The following CHD6 variants were observed in gnomAD, a reference collection of about 807,000 sequenced individuals.
CHD6 encodes the protein chromodomain helicase DNA binding protein 6.
Under a neutral mutation model 276.9 loss-of-function variants are expected in CHD6, and 50 were observed. That is an observed-to-expected ratio of 0.18 (90% confidence interval 0.14 to 0.23). The LOEUF (loss-of-function observed/expected upper bound fraction) is 0.23. CHD6 is among the 10% of genes least tolerant of loss of function. The probability of loss-of-function intolerance (pLI) is 1.00; values close to 1 mark genes in which losing one functional copy is unlikely to be tolerated. For missense variants in CHD6, 2,564 were observed against 3,365.8 expected (o/e 0.76, Z 5.89); for synonymous variants, 1,173 against 1,229.3 (o/e 0.95, Z 0.96).
chr20:41,419,589 A>G, intron 31 of CHD6, among the ~76,000 whole-genome samples: 1 of 139,168 alleles, frequency 7.2e-6, no homozygotes, highest in Admixed American at 7.4e-5. Flanking sequence ...AAAAAAAAAA[A>G]AAGGCTAGAT....
chr20:41,602,165 C>A (rs2045779946), intron 1 of CHD6, among the ~76,000 whole-genome samples: 2 of 152,200 alleles, frequency 1.3e-5, no homozygotes, highest in South Asian at 4.1e-4. Context: ...ATACCCATGT[C>A]CCTACAGTCA....
At chr20:41,596,237 C>T (rs1310442871) in intron 1 of CHD6, among the ~76,000 whole-genome samples, 1 of 152,108 alleles carries the variant, frequency 6.6e-6, no homozygotes, top group African/African-American at 2.4e-5. Context: ...AAGGAGTCTG[C>T]CCCAACCCTT....
intron 17 of CHD6, among the ~76,000 whole-genome samples, chr20:41,460,643 T>C (rs948090880): frequency 3.9e-5 from 6 of 152,196 alleles, no homozygotes; most frequent in Admixed American, 2.6e-4. Context: ...AAGTCAAGAA[T>C]TGAGATTTGG....
rs552082888 is a variant in CHD6, at chr20:41,478,872, AG to A, written c.2468+4436del. Among the ~76,000 whole-genome samples, 3 of 152,340 alleles carry A rather than the reference AG, an allele frequency of 2.0e-5. No individual in the cohort carries two copies. In the South Asian group the frequency reaches 6.2e-4, roughly 32 times the overall value. On this transcript the variant is annotated intron_variant, in intron 16 of 36. Transcript: ENST00000373233. ...AAAAATTCAGTTATTCTCATTCTCAAGGGAACAGGCAATTAACAGATGTCAA... is the reference window on the plus strand; with the variant it reads ...AAAAATTCAGTTATTCTCATTCTCAAGGAACAGGCAATTAACAGATGTCAA...
chr20:41,438,538 C>T (rs2047791481), intron 26 of CHD6, among the ~76,000 whole-genome samples: 6 of 152,052 alleles, frequency 3.9e-5, no homozygotes, highest in Admixed American at 3.3e-4. Flanking sequence ...TGCAATGAGC[C>T]GAGATCATTC....
At chr20:41,597,724 C>T (rs2045732645) in intron 1 of CHD6, among the ~76,000 whole-genome samples, 1 of 149,426 alleles carries the variant, frequency 6.7e-6, no homozygotes, top group African/African-American at 2.5e-5. Context: ...TCTGTCTATC[C>T]TTTTTTTTTT....
intron 1 of CHD6, among the ~76,000 whole-genome samples, chr20:41,603,817 C>T (rs2045798335): frequency 1.3e-5 from 2 of 152,014 alleles, no homozygotes; most frequent in Admixed American, 6.6e-5. Context: ...TGCAGTGAGC[C>T]GAAATCGTGC....
At chr20:41,513,335 G>C (rs1395576965) in intron 4 of CHD6, among the ~76,000 whole-genome samples, 1 of 152,150 alleles carries the variant, frequency 6.6e-6, no homozygotes, top group Non-Finnish European at 1.5e-5. Flanking sequence ...ACAAGGATGG[G>C]AGCTGAACTC....
intron 20 of CHD6, among the ~76,000 whole-genome samples, chr20:41,453,225 C>T (rs561891838): frequency 6.6e-6 from 1 of 151,894 alleles, no homozygotes. Context: ...CAGGCAAGGC[C>T]CCCCCCCAGT....
chr20:41,562,600 G>A (rs1260960164), intron 1 of CHD6, among the ~76,000 whole-genome samples: 1 of 151,690 alleles, frequency 6.6e-6, no homozygotes, highest in Non-Finnish European at 1.5e-5. Flanking sequence ...TATCTTTTGT[G>A]TATAAGTCAG....
intron 8 of CHD6, 51 bp downstream of exon 8, chr20:41,497,333 T>C: frequency 8.8e-7 from 1 of 1,137,528 alleles, no homozygotes; most frequent in African/African-American, 1.5e-5. Flanking sequence ...ACACAGTATT[T>C]ACTGCTGCAA....
intron 2 of CHD6, among the ~76,000 whole-genome samples, chr20:41,542,375 C>A (rs2044960026): frequency 6.6e-6 from 1 of 152,218 alleles, no homozygotes; most frequent in Non-Finnish European, 1.5e-5. Context: ...ACATAATAAA[C>A]CAGGACCCCG....
Position 41,533,233 on chromosome 20 carries a change from G to A in CHD6, c.371C>T (p.Pro124Leu), listed in dbSNP as rs1464176287. 1.2e-6 allele frequency: 2 copies of A among 1,613,452 alleles called. No individual in the cohort carries two copies. The highest frequency in any genetic ancestry group is 2.2e-5 in the East Asian group (1 of 44,868). The change falls in exon 3 of 37, where the codon CCG becomes CTG. Residue 124 changes from proline (P) to leucine (L), a missense_variant. Around this residue, in one of 7 missense-constraint regions of CHD6, gnomAD observed 286 missense variants for 297.8 expected, o/e 0.96. Coordinates refer to ENST00000373233, the MANE Select transcript of CHD6 (RefSeq NM_032221.5). ...REPKPKRKREPKEPKEPRKAK... is the reference protein window; with the variant it reads ...REPKPKRKRELKEPKEPRKAK... ...CTTTCTGGGTTCCTTTGGCTCTTTCGGTTCTCGTTTCCTCTTTGGCTTGGG... is the reference window on the plus strand; with the variant it reads ...CTTTCTGGGTTCCTTTGGCTCTTTCAGTTCTCGTTTCCTCTTTGGCTTGGG...
chr20:41,491,823 G>C lies in CHD6; in HGVS notation c.1315-4C>G, dbSNP rs754394906. On this transcript the variant is annotated splice_region_variant and splice_polypyrimidine_tract_variant and intron_variant, in intron 10 of 36. Transcript: ENST00000373233. The stretch of plus-strand genomic sequence containing the variant: ...AGGAGTCTGAAGCAGGCCGCTCCTA[G>C]GGAGGAAAGCAAACAGCATAATAGA... The C allele has an allele frequency of 3.1e-6, 5 of 1,613,668 alleles. No homozygotes were observed. The South Asian group carries it at 5.5e-5, about 18-fold the overall frequency.
intron 27 of CHD6, among the ~76,000 whole-genome samples, chr20:41,434,997 AAAC>A (rs2047661356): frequency 6.6e-6 from 1 of 152,230 alleles, no homozygotes; most frequent in South Asian, 2.1e-4. Context: ...AACAAATTTA[AAAC>A]AACTGAAATC....
intron 19 of CHD6, among the ~76,000 whole-genome samples, 174 bp downstream of exon 19, chr20:41,455,625 AT>A (rs1468620502): frequency 1.3e-5 from 2 of 152,354 alleles, no homozygotes; most frequent in African/African-American, 4.8e-5. Flanking sequence ...CTGACTCCCT[AT>A]TCAGACTTCC....
At chr20:41,467,407 C>T (rs957716298) in intron 17 of CHD6, among the ~76,000 whole-genome samples, 1 of 152,006 alleles carries the variant, frequency 6.6e-6, no homozygotes, top group Non-Finnish European at 1.5e-5. Context: ...GAGTAAAACA[C>T]AACTAGGGGG....
At chr20:41,511,838 T>A (rs780038585) in intron 5 of CHD6, among the ~76,000 whole-genome samples, 7 of 152,238 alleles carry the variant, frequency 4.6e-5, no homozygotes, top group Non-Finnish European at 1.0e-4. Flanking sequence ...CCACTCCTGC[T>A]TCTGTTAGCC....
chr20:41,406,189 A>G (rs1442106311), intron 36 of CHD6, among the ~76,000 whole-genome samples: 1 of 152,220 alleles, frequency 6.6e-6, no homozygotes, highest in Non-Finnish European at 1.5e-5. Context: ...TGCTGAAGAA[A>G]TGAAGGACTT....
Sources: gnomAD v4.1 joint callset for allele counts (sites outside exome capture counted in the v4.1 genomes callset) on GRCh38, gnomAD v4.1.1 for gene constraint, gnomAD v4.1.1 regional missense constraint, MANE v1.5 for transcripts, NCBI Gene and HGNC (gene_info 2026-07-23, HGNC 2026-07-21) for gene names.